Variants in UNC13C observed in about 807,000 individuals in gnomAD.
UNC13C encodes unc-13 homolog C.
In UNC13C, 174 loss-of-function variants were observed where a neutral mutation model predicts 245.4. The ratio of observed to expected loss-of-function variants is 0.71; its 90% CI spans 0.63 to 0.80. UNC13C has a LOEUF of 0.80. Ranked by LOEUF, UNC13C falls within the 30% of genes least tolerant of loss-of-function variation. The probability of loss-of-function intolerance (pLI) is 0.00; values close to 1 mark genes in which losing one functional copy is unlikely to be tolerated. For synonymous variants in UNC13C, 992 were observed against 895.1 expected (o/e 1.11, Z -1.93); for missense variants, 2,829 against 2,602.9 (o/e 1.09, Z -1.89).
intron 17 of UNC13C, among the ~76,000 whole-genome samples, chr15:54,362,044 G>C (rs2039244311): frequency 1.3e-5 from 2 of 152,168 alleles, no homozygotes; most frequent in African/African-American, 2.4e-5. Context: ...GGGCCTTCCT[G>C]CATATTGTAC....
intron 2 of UNC13C, among the ~76,000 whole-genome samples, chr15:54,132,177 TCTC>T (rs765003446): frequency 2.0e-5 from 3 of 150,974 alleles, no homozygotes; most frequent in Non-Finnish European, 4.4e-5. Context: ...CTTATGCCGT[TCTC>T]CTCCCTCAGC....
At chr15:54,088,307 C>G (rs544308954) in intron 2 of UNC13C, among the ~76,000 whole-genome samples, 54 of 151,288 alleles carry the variant, frequency 3.6e-4, no homozygotes, top group African/African-American at 1.3e-3. Flanking sequence ...ATCACTCCCC[C>G]GACATCCTTG....
At chr15:54,242,982 G>T (rs80116050) in intron 7 of UNC13C, among the ~76,000 whole-genome samples, 3,853 of 151,506 alleles carry the variant, frequency 0.025, 156 homozygotes, top group African/African-American at 0.089. Context: ...TTTTTTTTCC[G>T]TCAACTTTTA....
In UNC13C at chr15:54,201,077, A is replaced by G. The variant is rs2034506255; in HGVS notation, c.3072-33953A>G. Reference sequence around the variant, plus strand: ...TAGAAAACCTAAAGGAGATGGATAAATTCCTGGAAATATACAACCCTCCTA... The same window carrying G: ...TAGAAAACCTAAAGGAGATGGATAAGTTCCTGGAAATATACAACCCTCCTA... On this transcript the variant is annotated intron_variant, in intron 4 of 32. Transcript: ENST00000260323. Among the ~76,000 whole-genome samples, 2 of 152,026 alleles carry G rather than the reference A, an allele frequency of 1.3e-5. 1 individual carries two copies. Among genetic ancestry groups the G allele is most frequent in the South Asian group, 4.1e-4 (2 of 4,822 alleles).
chr15:53,919,664 T>C, the UNC13C span, among the ~76,000 whole-genome samples: 6 of 152,350 alleles, frequency 3.9e-5, no homozygotes, highest in East Asian at 9.6e-4. Context: ...TTTAGGTATA[T>C]TCAATAGCCA....
rs2037368532 is a variant in UNC13C at position 54,294,017 on chromosome 15, T to C, written c.3941T>C (p.Val1314Ala). The C allele has an allele frequency of 6.3e-7, 1 of 1,592,768 alleles. No homozygotes were observed. Among genetic ancestry groups the C allele is most frequent in the Non-Finnish European group, 8.5e-7 (1 of 1,171,046 alleles). ...GATGATTTTCTGGGACAAACAATTG[T>C]AGAAGTGAGGACCTTGAGTGGAGAA... ...ESDDFLGQTI[V>A]EVRTLSGEMD... The change falls in exon 11 of 33, where the codon GTA becomes GCA. Residue 1314 changes from valine to alanine, a missense_variant. Physicochemically the swap from Val to Ala is moderately conservative, Grantham distance 64. Coordinates refer to ENST00000260323, the MANE Select transcript of UNC13C (RefSeq NM_001080534.3).
At chr15:53,982,823 C>G (rs1236831014) in intron 1 of UNC13C, among the ~76,000 whole-genome samples, 1 of 152,128 alleles carries the variant, frequency 6.6e-6, no homozygotes, top group Non-Finnish European at 1.5e-5. Flanking sequence ...GCTTCTAGTT[C>G]CTCAACTCAG....
the UNC13C span, among the ~76,000 whole-genome samples, chr15:53,957,298 C>T: frequency 1.3e-5 from 2 of 152,024 alleles, no homozygotes; most frequent in African/African-American, 4.8e-5. Flanking sequence ...TGCACCACTA[C>T]GCCTGGCTAA....
chr15:53,897,469 A>G, the UNC13C span, among the ~76,000 whole-genome samples: 150,157 of 152,314 alleles, frequency 0.99, 74,048 homozygotes, highest in Middle Eastern at 1. Context: ...TGTAGGGATG[A>G]GGGTCTCACT....
chr15:54,112,233 C>T (rs1360920483), intron 2 of UNC13C, among the ~76,000 whole-genome samples: 1 of 152,076 alleles, frequency 6.6e-6, no homozygotes, highest in Non-Finnish European at 1.5e-5. Flanking sequence ...GACATGAACA[C>T]TTGTGGAGTG....
chr15:54,411,850 T>C (rs1294094144), intron 18 of UNC13C, among the ~76,000 whole-genome samples: 1 of 152,214 alleles, frequency 6.6e-6, no homozygotes, highest in Non-Finnish European at 1.5e-5. Flanking sequence ...AGAATTTTGA[T>C]TGAGATTGCA....
the UNC13C span, among the ~76,000 whole-genome samples, chr15:53,957,854 T>C: frequency 6.6e-6 from 1 of 152,170 alleles, no homozygotes; most frequent in Admixed American, 6.5e-5. Flanking sequence ...CACCAAATAG[T>C]CCCTGTCCCC....
the UNC13C span, among the ~76,000 whole-genome samples, chr15:53,847,522 A>AT: frequency 0.48 from 66,762 of 139,100 alleles, 15,926 homozygotes; most frequent in East Asian, 0.62. Flanking sequence ...ATGCCTGGCT[A>AT]TTTTTTTTTT....
chr15:54,350,375 A>G (rs530569048), intron 17 of UNC13C, among the ~76,000 whole-genome samples: 1 of 152,316 alleles, frequency 6.6e-6, no homozygotes, highest in South Asian at 2.1e-4. Context: ...CAAACTCAGT[A>G]TGTGGTCTTA....
chr15:54,364,969 A>G (rs149171855), intron 17 of UNC13C, among the ~76,000 whole-genome samples: 71 of 152,304 alleles, frequency 4.7e-4, no homozygotes, highest in African/African-American at 1.6e-3. Context: ...CACTAGCGCT[A>G]TGTCTATGGC....
intron 29 of UNC13C, 96 bp downstream of exon 29, chr15:54,555,608 G>A: frequency 1.1e-6 from 1 of 892,504 alleles, no homozygotes; most frequent in Non-Finnish European, 1.8e-6. Flanking sequence ...CAGTAGAGCT[G>A]CGCCATTCAA....
At chr15:54,071,545 T>G (rs1432739127) in intron 2 of UNC13C, among the ~76,000 whole-genome samples, 4 of 152,156 alleles carry the variant, frequency 2.6e-5, no homozygotes, top group Non-Finnish European at 5.9e-5. Context: ...TGATCAGTTC[T>G]GAATGGCTGA....
chr15:54,101,917 G>A (rs1227204641), intron 2 of UNC13C, among the ~76,000 whole-genome samples: 1 of 151,718 alleles, frequency 6.6e-6, no homozygotes, highest in African/African-American at 2.4e-5. Context: ...GTAACCTAGA[G>A]AGCCAAAGAA....
rs182809015 is a variant in UNC13C, at chr15:54,237,632, G to A, written c.3170G>A (p.Arg1057Gln). 90 of 1,612,026 alleles carry A rather than the reference G, an allele frequency of 5.6e-5. 1 individual carries two copies. The South Asian group carries it at 6.0e-4, about 11-fold the overall frequency. The change falls in exon 7 of 33, where the codon CGG becomes CAG. Residue 1057 changes from arginine (R) to glutamine (Q), a missense_variant. Physicochemically the swap from Arg to Gln is conservative, Grantham distance 43. Transcript: ENST00000260323. ...VRDVAMTLAARKSGLSLAMVI... is the reference protein window; with the variant it reads ...VRDVAMTLAAQKSGLSLAMVI... The stretch of plus-strand genomic sequence containing the variant: ...TGTTTGTTTTAGACCCTGGCTGCCC[G>A]GAAATCTGGACTCTCCCTGGCTATG...
Sources: allele counts gnomAD v4.1 joint callset (sites outside exome capture counted in the v4.1 genomes callset), GRCh38; gene constraint gnomAD v4.1.1; transcripts MANE v1.5; gene names NCBI Gene and HGNC (gene_info 2026-07-23, HGNC 2026-07-21).